PTPRZ1: variants seen among roughly 807,000 people sequenced by gnomAD.
The protein encoded by PTPRZ1 is protein tyrosine phosphatase receptor type Z1.
In PTPRZ1, 82 loss-of-function variants were observed where a neutral mutation model predicts 214.1. The ratio of observed to expected loss-of-function variants is 0.38; its 90% CI spans 0.32 to 0.46. The LOEUF is 0.46. Ranked by LOEUF, PTPRZ1 falls within the 20% of genes least tolerant of loss-of-function variation. PTPRZ1 has a pLI of 1.00. For synonymous variants in PTPRZ1, 945 were observed against 987.9 expected (o/e 0.96, Z 0.81); for missense variants, 2,603 against 2,748.7 (o/e 0.95, Z 1.19).
intron 2 of PTPRZ1, among the ~76,000 whole-genome samples, chr7:121,937,281 A>G (rs1369091059): frequency 1.3e-5 from 2 of 152,162 alleles, no homozygotes; most frequent in East Asian, 3.9e-4. Flanking sequence ...GGCCTGTTGG[A>G]AGCCAGAATC....
chr7:122,003,131 C>T (rs527588670), intron 10 of PTPRZ1, among the ~76,000 whole-genome samples: 9 of 151,788 alleles, frequency 5.9e-5, no homozygotes, highest in East Asian at 3.9e-4. Context: ...AGTTTGGAAA[C>T]GTAAAGAATA....
At chr7:122,044,677 C>T (rs971848241) in intron 23 of PTPRZ1, 109 bp downstream of exon 23, 22 of 1,133,354 alleles carry the variant, frequency 1.9e-5, no homozygotes, top group Non-Finnish European at 2.5e-5. Flanking sequence ...GGTACAATGA[C>T]TTTGTATTTG....
intron 15 of PTPRZ1, among the ~76,000 whole-genome samples, chr7:122,032,472 C>T (rs755992730): frequency 9.9e-5 from 15 of 152,138 alleles, no homozygotes; most frequent in Admixed American, 7.2e-4. Context: ...TCAGCCTCCC[C>T]GCTGGCCATT....
chr7:121,984,662 G>A (rs957354536), intron 8 of PTPRZ1, among the ~76,000 whole-genome samples: 1 of 152,040 alleles, frequency 6.6e-6, no homozygotes. Context: ...TAAATGCACT[G>A]AGTTATTAAT....
chr7:122,026,974 C>T lies in PTPRZ1; in HGVS notation c.4989-1578C>T, dbSNP rs574288681. ...GCAATGATTGAGACAAAGTAGTTTG[C>T]CTTGTGGGGCTTATATTCTGATAAG... On this transcript the variant is annotated intron_variant, in intron 13 of 29. Coordinates refer to ENST00000393386, the MANE Select transcript of PTPRZ1 (RefSeq NM_002851.3). Among the ~76,000 whole-genome samples the T allele has an allele frequency of 7.2e-5, 11 of 152,170 alleles. No individual in the cohort carries two copies. The Middle Eastern group carries it at 0.01, about 141-fold the overall frequency.
rs1299359730 is a variant in PTPRZ1, at chr7:121,873,197, T to C, written c.-303T>C. ...GCCGCAGCCGGCGAAAGAGGCAAAG[T>C]CCCGCACGCCGGAGGACATGCGCCT... is the stretch of plus-strand genomic sequence containing the variant. On this transcript the variant is annotated 5_prime_UTR_variant, in exon 1 of 30. Transcript: ENST00000393386. The C allele has an allele frequency of 7.1e-6, 3 of 420,580 alleles. No homozygotes were observed. The highest frequency in any genetic ancestry group is 1.3e-5 in the Non-Finnish European group (3 of 239,572). 26.1% of individuals were successfully genotyped at this position (420,580 alleles called of 1,614,324 possible). A position where few individuals can be genotyped will look rare whatever the true frequency, so the allele number is the denominator to read the frequency against.
At chr7:121,888,709 A>G (rs949330426) in intron 1 of PTPRZ1, among the ~76,000 whole-genome samples, 1 of 152,178 alleles carries the variant, frequency 6.6e-6, no homozygotes, top group Non-Finnish European at 1.5e-5. Flanking sequence ...ACAAAATGTA[A>G]TTGTTATAAT....
chr7:121,938,022 T>C (rs1360791356), intron 2 of PTPRZ1, among the ~76,000 whole-genome samples: 2 of 152,170 alleles, frequency 1.3e-5, no homozygotes, highest in Non-Finnish European at 2.9e-5. Context: ...TCATATTTCA[T>C]ATGTTTATAT....
intron 3 of PTPRZ1, 86 bp downstream of exon 3, chr7:121,968,216 A>G: frequency 8.3e-7 from 1 of 1,204,560 alleles, no homozygotes; most frequent in Non-Finnish European, 1.2e-6. Context: ...TTTCCTTTGA[A>G]TAGTGTACTA....
intron 9 of PTPRZ1, among the ~76,000 whole-genome samples, 162 bp from the exon 10 acceptor site, chr7:121,997,718 C>T (rs1280876914): frequency 1.3e-5 from 2 of 149,526 alleles, no homozygotes; most frequent in African/African-American, 4.9e-5. Context: ...TCACAAATAC[C>T]ACAAGTTTAA....
chr7:122,021,194 T>C (rs776505599), intron 13 of PTPRZ1, among the ~76,000 whole-genome samples: 2 of 152,206 alleles, frequency 1.3e-5, no homozygotes, highest in Non-Finnish European at 2.9e-5. Flanking sequence ...ACTTTTCAAG[T>C]ATATTTTCTG....
intron 1 of PTPRZ1, among the ~76,000 whole-genome samples, chr7:121,874,694 T>C (rs767204241): frequency 7.2e-5 from 11 of 152,204 alleles, no homozygotes; most frequent in Non-Finnish European, 1.5e-4. Flanking sequence ...TAATTGCCCA[T>C]AGACCCCCAC....
At position 122,059,800 on chromosome 7, in the gene PTPRZ1, T is replaced by A. The variant is rs1430067095; in HGVS notation, c.6719T>A (p.Met2240Lys). 1 of 1,613,660 alleles carries A rather than the reference T, an allele frequency of 6.2e-7. No individual in the cohort carries two copies. The highest frequency in any genetic ancestry group is 2.2e-5 in the East Asian group (1 of 44,836). ...ACTTTCTGTGCTCTGACAACCCTTA[T>A]GCACCAACTAGAAAAAGAAAATTCC... is the stretch of plus-strand genomic sequence containing the variant. ...AGTFCALTTL[M>K]HQLEKENSVD... is the part of the protein sequence containing the mutation. Residue 2240 changes from methionine (M) to lysine (K), a missense_variant, in exon 29 of 30, where the codon ATG (methionine) becomes AAG (lysine). Physicochemically the swap from Met to Lys is moderately conservative, Grantham distance 95. This residue lies in a region of PTPRZ1 where 165 missense variants were observed against 151.4 expected (regional missense o/e 1.09). Coordinates refer to ENST00000393386, the MANE Select transcript of PTPRZ1 (RefSeq NM_002851.3).
At chr7:122,052,093 G>A (rs1237396034) in intron 25 of PTPRZ1, among the ~76,000 whole-genome samples, 154 bp downstream of exon 25, 3 of 152,180 alleles carry the variant, frequency 2.0e-5, no homozygotes, top group Admixed American at 6.5e-5. Flanking sequence ...CACAGCAACA[G>A]TTGTAATAAT....
chr7:121,961,587 CTT>C (rs1184685964), intron 2 of PTPRZ1, among the ~76,000 whole-genome samples: 1 of 152,238 alleles, frequency 6.6e-6, no homozygotes, highest in Non-Finnish European at 1.5e-5. Flanking sequence ...AGCTAACAAA[CTT>C]GAACTCATGC....
rs759504572 is a variant in PTPRZ1 at position 121,976,225 on chromosome 7, T to G, written c.509T>G (p.Val170Gly). 1 of 1,609,314 alleles carries G rather than the reference T, an allele frequency of 6.2e-7. No individual in the cohort carries two copies. Among genetic ancestry groups the G allele is most frequent in the South Asian group, 1.1e-5 (1 of 90,630 alleles). Residue 170 changes from valine (V) to glycine (G), a missense_variant, in exon 5 of 30, where the codon GTC becomes GGC. Val to Gly is a moderately radical substitution (Grantham distance 109, BLOSUM62 -3). Transcript: ENST00000393386. ...CGATTTTCAAGTTTTGAGGAAGCAG[T>G]CAAAGGAAAAGGGAAGTTAAGAGCT... is the stretch of plus-strand genomic sequence containing the variant. ...ADRFSSFEEAVKGKGKLRALS... is the reference protein window; with the variant it reads ...ADRFSSFEEAGKGKGKLRALS...
At chr7:121,949,978 A>G (rs1159541308) in intron 2 of PTPRZ1, among the ~76,000 whole-genome samples, 2 of 152,218 alleles carry the variant, frequency 1.3e-5, no homozygotes, top group Admixed American at 6.5e-5. Flanking sequence ...ATTGAACTGT[A>G]TTAGCCCATT....
At chr7:121,966,230 G>T (rs1584690868) in intron 2 of PTPRZ1, among the ~76,000 whole-genome samples, 1 of 152,112 alleles carries the variant, frequency 6.6e-6, no homozygotes, top group African/African-American at 2.4e-5. Flanking sequence ...CCAGTAGAGA[G>T]AATCACAAAA....
intron 12 of PTPRZ1, among the ~76,000 whole-genome samples, chr7:122,017,333 TA>T (rs1430924136): frequency 5.9e-5 from 9 of 152,106 alleles, no homozygotes; most frequent in Admixed American, 2.6e-4. Flanking sequence ...ATTAACATTT[TA>T]AAAAATGGAG....
Sources: gnomAD v4.1 joint callset for allele counts (sites outside exome capture counted in the v4.1 genomes callset) on GRCh38, gnomAD v4.1.1 for gene constraint, gnomAD v4.1.1 regional missense constraint, MANE v1.5 for transcripts, NCBI Gene and HGNC (gene_info 2026-07-23, HGNC 2026-07-21) for gene names.